GINS4: variants seen among roughly 807,000 people sequenced by gnomAD.
The protein encoded by GINS4 is GINS complex subunit 4.
GINS4 carries 20 observed loss-of-function variants against 31.1 expected under a neutral mutation model. That is an observed-to-expected ratio of 0.64 (90% CI 0.45 to 0.93). GINS4 has a LOEUF of 0.93. Ranked by LOEUF, GINS4 falls within the 40% of genes least tolerant of loss-of-function variation. GINS4 has a pLI of 0.00. For missense variants in GINS4, 245 were observed against 273.9 expected, an observed-to-expected ratio of 0.89 and a Z score of 0.75; for synonymous variants, 85 against 97.9, an observed-to-expected ratio of 0.87 and a Z score of 0.78.
intron 1 of GINS4, 30 bp from the exon 2 acceptor site, chr8:41,530,154 G>A: frequency 7.6e-7 from 1 of 1,312,286 alleles, no homozygotes; most frequent in Non-Finnish European, 1.1e-6. Flanking sequence ...AAAACGCATT[G>A]CAGAGTATTG....
rs1295741812 is a variant in GINS4, at chr8:41,539,693, C to T, written c.313C>T (p.Pro105Ser). The change falls in exon 5 of 8, where the codon CCT (proline) becomes TCT (serine). Residue 105 changes from proline to serine, a missense_variant. Physicochemically the swap from Pro to Ser is moderately conservative, Grantham distance 74. Transcript: ENST00000276533. ...CRLMKIEKFF[P>S]HVLEKEKTRP... is the part of the protein sequence containing the mutation. ...ATCCTCACAGATAGAGAAGTTTTTC[C>T]CTCATGTCCTTGAGAAGGAAAAAAC... The T allele has an allele frequency of 6.2e-7, 1 of 1,612,730 alleles. No individual in the cohort carries two copies. Among genetic ancestry groups the T allele is most frequent in the Non-Finnish European group, 8.5e-7 (1 of 1,179,290 alleles).
chr8:41,530,354 C>A, intron 2 of GINS4, 56 bp downstream of exon 2: 1 of 1,233,952 alleles, frequency 8.1e-7, no homozygotes, highest in Non-Finnish European at 1.2e-6. Flanking sequence ...TTTAGTTCAA[C>A]TGTGAATATC....
At chr8:41,541,931 A>G (rs2150462297) in intron 7 of GINS4, 32 bp downstream of exon 7, 1 of 1,611,226 alleles carries the variant, frequency 6.2e-7, no homozygotes, top group African/African-American at 1.3e-5. Context: ...CAGTGGGCAC[A>G]TTCCTCCCGA....
Position 41,539,760 on chromosome 8 carries a change from T to C in GINS4, c.380T>C (p.Leu127Ser), listed in dbSNP as rs751494503. The change falls in exon 5 of 8, where the codon TTG (leucine) becomes TCG (serine). Residue 127 changes from leucine to serine, a missense_variant. Physicochemically the swap from Leu to Ser is moderately radical, Grantham distance 145. Transcript: ENST00000276533. ...CCTTCCAGCCTCTCGCCGGAAGAGT[T>C]GGCCTTTGCCAGAGAGTGAGTGAGT... ...GEPSSLSPEE[L>S]AFAREFMANT... The C allele has an allele frequency of 6.2e-7, 1 of 1,614,106 alleles. No homozygotes were observed. The highest frequency in any genetic ancestry group is 1.7e-5 in the Admixed American group (1 of 60,020).
chr8:41,544,311 T>A lies in GINS4; in HGVS notation c.*2224T>A, dbSNP rs775389858. Reference sequence around the variant, plus strand: ...CCTTGTTAATAAGGATCCCATTTGGTCCCCCACAGTCCTGAGAAGCGGGCA... The same window carrying A: ...CCTTGTTAATAAGGATCCCATTTGGACCCCCACAGTCCTGAGAAGCGGGCA... On this transcript the variant is annotated 3_prime_UTR_variant, in exon 8 of 8. Coordinates refer to ENST00000276533, the MANE Select transcript of GINS4 (RefSeq NM_032336.3). 6.6e-6 allele frequency: 1 copy of A among 152,074 alleles called. No homozygotes were observed. The highest frequency in any genetic ancestry group is 1.5e-5 in the Non-Finnish European group (1 of 68,020). 9.4% of individuals were successfully genotyped at this position (152,074 alleles called of 1,614,324 possible). A position where few individuals can be genotyped will look rare whatever the true frequency, so the allele number is the denominator to read the frequency against.
intron 3 of GINS4, among the ~76,000 whole-genome samples, chr8:41,536,790 A>C (rs1204507280): frequency 1.3e-5 from 2 of 152,204 alleles, no homozygotes; most frequent in Non-Finnish European, 2.9e-5. Flanking sequence ...GGCCCCTGCA[A>C]ACATTTGAGT....
At chr8:41,535,019 G>A (rs986966354) in intron 2 of GINS4, among the ~76,000 whole-genome samples, 22 of 151,804 alleles carry the variant, frequency 1.4e-4, no homozygotes, top group Middle Eastern at 3.4e-3. Context: ...CACTGCACCC[G>A]GCTTGTTCTT....
In GINS4 at chr8:41,542,417, A is replaced by C; in HGVS notation, c.*330A>C. 2.9e-6 allele frequency: 1 copy of C among 342,522 alleles called. No individual in the cohort carries two copies. Among genetic ancestry groups the C allele is most frequent in the South Asian group, 3.0e-5 (1 of 33,210 alleles). 21.2% of individuals were successfully genotyped at this position (342,522 alleles called of 1,614,324 possible). On this transcript the variant is annotated 3_prime_UTR_variant, in exon 8 of 8. Transcript: ENST00000276533. ...ACAAAAAACAAAAAAAAAACAAACT[A>C]GGCATAAACTCATGAGGTCAGGAGA...
In GINS4 at chr8:41,541,784, A is replaced by C. The variant is rs370288384; in HGVS notation, c.485-25A>C. 34 of 1,584,114 alleles carry C rather than the reference A, an allele frequency of 2.1e-5. No individual in the cohort carries two copies. The African/African-American group carries it at 4.3e-4, about 20-fold the overall frequency. ...TGACTTTGTTGGCCGAGGATTTCCT[A>C]ATCACATTGTTGTTTTCCTGGCAGT... On this transcript the variant is annotated intron_variant, in intron 6 of 7. Coordinates refer to ENST00000276533, the MANE Select transcript of GINS4 (RefSeq NM_032336.3).
intron 2 of GINS4, among the ~76,000 whole-genome samples, chr8:41,530,960 C>T (rs1472186290): frequency 3.9e-5 from 6 of 152,158 alleles, no homozygotes; most frequent in Admixed American, 6.6e-5. Context: ...TGTCTCAAGC[C>T]GTTGCTTGCC....
intron 4 of GINS4, among the ~76,000 whole-genome samples, chr8:41,538,295 C>T (rs1443277256): frequency 1.3e-5 from 2 of 152,216 alleles, no homozygotes; most frequent in East Asian, 3.8e-4. Flanking sequence ...TCTTAAGTTA[C>T]ACTATCTTAA....
chr8:41,541,387 T>C (rs938558282), intron 6 of GINS4, among the ~76,000 whole-genome samples: 20 of 152,172 alleles, frequency 1.3e-4, no homozygotes, highest in Non-Finnish European at 1.3e-4. Flanking sequence ...TCTCTTCTTA[T>C]AAGACACCAG....
At chr8:41,531,606 C>T (rs2150457048) in intron 2 of GINS4, among the ~76,000 whole-genome samples, 1 of 152,258 alleles carries the variant, frequency 6.6e-6, no homozygotes, top group East Asian at 1.9e-4. Context: ...GTTTTTATAT[C>T]ACAGACCTTT....
chr8:41,530,291 T>TGGA lies in GINS4; in HGVS notation c.91_93dup (p.Glu31dup). 6.2e-7 allele frequency: 1 copy of TGGA among 1,611,862 alleles called. No homozygotes were observed. The highest frequency in any genetic ancestry group is 8.5e-7 in the Non-Finnish European group (1 of 1,178,080). The stretch of plus-strand genomic sequence containing the variant: ...ACTCCTGCAGAGCTCATTGAAAGAT[T>TGGA]GGAGCAGGTAAGCATCCCAGATCGA... On this transcript the variant is annotated inframe_insertion, in exon 2 of 8. Transcript: ENST00000276533.
chr8:41,540,815 C>A (rs1050862196), intron 6 of GINS4, among the ~76,000 whole-genome samples: 22 of 152,172 alleles, frequency 1.4e-4, no homozygotes, highest in Admixed American at 3.3e-4. Flanking sequence ...ACACAGCCAC[C>A]CCTGCGGTGG....
intron 5 of GINS4, 30 bp from the exon 6 acceptor site, chr8:41,539,886 A>C: frequency 6.3e-7 from 1 of 1,596,512 alleles, no homozygotes; most frequent in Non-Finnish European, 8.6e-7. Flanking sequence ...AGCTGTGTAC[A>C]CCACAGCGAT....
chr8:41,543,078 G>T lies in GINS4; in HGVS notation c.*991G>T, dbSNP rs58952718. 0.12 allele frequency: 18,447 copies of T among 152,266 alleles called. 1,221 individuals are homozygous for T. Among genetic ancestry groups the T allele is most frequent in the East Asian group, 0.22 (1,152 of 5,184 alleles). The allele number at this position is 152,266 out of a possible 1,614,324, so 9.4% of individuals were successfully genotyped here. A position where few individuals can be genotyped will look rare whatever the true frequency, so the allele number is the denominator to read the frequency against. ...ATTTAGCCTTTCTGCTGCGAAGATTGTAAATAGATTAAAGAAAACAGCTGT... is the reference window on the plus strand; with the variant it reads ...ATTTAGCCTTTCTGCTGCGAAGATTTTAAATAGATTAAAGAAAACAGCTGT... On this transcript the variant is annotated 3_prime_UTR_variant, in exon 8 of 8. Transcript: ENST00000276533.
At chr8:41,541,514 A>T (rs1376220166) in intron 6 of GINS4, among the ~76,000 whole-genome samples, 1 of 152,214 alleles carries the variant, frequency 6.6e-6, no homozygotes, top group East Asian at 1.9e-4. Context: ...GCTTCAGCGT[A>T]TGAATTGTGC....
chr8:41,533,029 AG>A (rs1249775920), intron 2 of GINS4, among the ~76,000 whole-genome samples: 2 of 152,214 alleles, frequency 1.3e-5, no homozygotes, highest in East Asian at 3.9e-4. Flanking sequence ...AGACATCCAC[AG>A]TATGTTCACA....
Sources: allele counts gnomAD v4.1 joint callset (sites outside exome capture counted in the v4.1 genomes callset), GRCh38; gene constraint gnomAD v4.1.1; transcripts MANE v1.5; gene names NCBI Gene and HGNC (gene_info 2026-07-23, HGNC 2026-07-21).